Variants in PRR5L observed in about 807,000 individuals in gnomAD.
PRR5L encodes proline-rich protein 5-like.
Under a neutral mutation model 36.4 loss-of-function variants are expected in PRR5L, and 21 were observed. The ratio of observed to expected loss-of-function variants is 0.58; its 90% CI spans 0.41 to 0.83. The LOEUF (loss-of-function observed/expected upper bound fraction) is 0.83, where lower values mean the gene tolerates loss of function less well. Among genes scored for constraint, PRR5L ranks in the 40% least tolerant of loss-of-function variants. PRR5L has a pLI of 0.00. For synonymous variants in PRR5L, 188 were observed against 197.0 expected (o/e 0.95, Z 0.38); for missense variants, 381 against 473.3 (o/e 0.80, Z 1.81).
At chr11:36,352,581 C>T (rs1399066411) in intron 1 of PRR5L, among the ~76,000 whole-genome samples, 1 of 152,108 alleles carries the variant, frequency 6.6e-6, no homozygotes, top group East Asian at 1.9e-4. Flanking sequence ...ACAGGAGTAA[C>T]TCATGTCGGT....
chr11:36,426,768 AT>A (rs1258389201), intron 4 of PRR5L, among the ~76,000 whole-genome samples: 2 of 152,256 alleles, frequency 1.3e-5, no homozygotes, highest in Non-Finnish European at 2.9e-5. Context: ...CTCCACTGAC[AT>A]TCTTACTGCA....
intron 1 of PRR5L, among the ~76,000 whole-genome samples, chr11:36,378,491 T>C (rs1478867913): frequency 6.6e-6 from 1 of 152,198 alleles, no homozygotes; most frequent in Non-Finnish European, 1.5e-5. Flanking sequence ...TTCTAACAAC[T>C]GGAACCACTA....
chr11:36,461,264 G>T (rs543357766), intron 8 of PRR5L, among the ~76,000 whole-genome samples: 5 of 152,228 alleles, frequency 3.3e-5, no homozygotes, highest in African/African-American at 1.2e-4. Context: ...TTCAGTTTTG[G>T]GGGGGATTCA....
chr11:36,411,479 G>A (rs1387551499), intron 3 of PRR5L, among the ~76,000 whole-genome samples: 1 of 152,102 alleles, frequency 6.6e-6, no homozygotes, highest in African/African-American at 2.4e-5. Context: ...CCCTGTTATG[G>A]CTCCTTTTGG....
rs534264606 is a variant in PRR5L, at chr11:36,374,744, A to G, written c.-125-26253A>G. Among the ~76,000 whole-genome samples, 5 of 152,300 alleles carry G rather than the reference A, an allele frequency of 3.3e-5. No individual in the cohort carries two copies. In the East Asian group the frequency reaches 9.7e-4, roughly 29 times the overall value. ...ATGAATTCACTAAATCCTCATAGCCACCCTAAGACAGAGCTACTACTTTTA... is the reference window on the plus strand; with the variant it reads ...ATGAATTCACTAAATCCTCATAGCCGCCCTAAGACAGAGCTACTACTTTTA... On this transcript the variant is annotated intron_variant, in intron 1 of 8. Transcript: ENST00000530639.
chr11:36,396,292 A>T (rs1380968488), intron 1 of PRR5L: 1 of 152,226 alleles, frequency 6.6e-6, no homozygotes, highest in Non-Finnish European at 1.5e-5. Context: ...TCTGCCTTAC[A>T]GGACTGAGGT....
chr11:36,445,456 A>G lies in PRR5L; in HGVS notation c.445-844A>G, dbSNP rs1398617309. ...TCATCTGTGAAATGGGTTTGGCTCT[A>G]CCAAGAACAACTGATTTTTAGTGCA... On this transcript the variant is annotated intron_variant, in intron 6 of 8. Transcript: ENST00000530639. 2.0e-5 allele frequency among the ~76,000 whole-genome samples: 3 copies of G among 152,084 alleles called. No individual in the cohort carries two copies. In the East Asian group the frequency reaches 5.8e-4, roughly 29 times the overall value.
rs144404355 is a variant in PRR5L at position 36,361,334 on chromosome 11, A to G, written c.-125-39663A>G. On this transcript the variant is annotated intron_variant, in intron 1 of 8. Transcript: ENST00000530639. The stretch of plus-strand genomic sequence containing the variant: ...CAAAGCCACTTTTCTTGCTATATAT[A>G]CCTTTTGCTTTTGGAAAATATAGCT... 2.9e-4 allele frequency among the ~76,000 whole-genome samples: 44 copies of G among 152,252 alleles called. 2 individuals are homozygous for G. The East Asian group carries it at 7.5e-3, about 26-fold the overall frequency.
In PRR5L at chr11:36,363,011, C is replaced by T. The variant is rs80114687; in HGVS notation, c.-125-37986C>T. On this transcript the variant is annotated intron_variant, in intron 1 of 8. Transcript: ENST00000530639. Reference sequence around the variant, plus strand: ...TTCTCCAGGCCCAGAGACGTTAAGTCGTGCACCCAGGTTCACATGGCTATG... The same window carrying T: ...TTCTCCAGGCCCAGAGACGTTAAGTTGTGCACCCAGGTTCACATGGCTATG... 6.6e-5 allele frequency among the ~76,000 whole-genome samples: 10 copies of T among 152,300 alleles called. No individual in the cohort carries two copies. In the East Asian group the frequency reaches 9.7e-4, roughly 15 times the overall value.
rs1455206781 is a variant in PRR5L at position 36,344,274 on chromosome 11, AAT to A, written c.-126+47838_-126+47839del. On this transcript the variant is annotated intron_variant, in intron 1 of 8. Transcript: ENST00000530639. This position sits in a 1 kb window ranked among gnomAD's most constrained non-coding sequence, Gnocchi z 4.1. Reference sequence around the variant, plus strand: ...AATCAGAAAATATATAAATGTATGAAATAGTCTAATTCCACTACTCACAGAAA... The same window carrying A: ...AATCAGAAAATATATAAATGTATGAAAGTCTAATTCCACTACTCACAGAAA... 6.6e-6 allele frequency among the ~76,000 whole-genome samples: 1 copy of A among 152,228 alleles called. No individual in the cohort carries two copies. Among genetic ancestry groups the A allele is most frequent in the Admixed American group, 6.5e-5 (1 of 15,282 alleles).
rs1469497004 is a variant in PRR5L at position 36,350,922 on chromosome 11, A to T, written c.-125-50075A>T. Among the ~76,000 whole-genome samples, 106 of 41,998 alleles carry T rather than the reference A, an allele frequency of 2.5e-3. 1 individual carries two copies. The highest frequency in any genetic ancestry group is 9.6e-3 in the African/African-American group (99 of 10,316). The allele number at this position is 41,998 out of a possible 152,430, so 27.6% of individuals were successfully genotyped here. ...CCATGGTAAATATATATATATATTT[A>T]TATATATTTATATATTTATATATAT... On this transcript the variant is annotated intron_variant, in intron 1 of 8. Coordinates refer to ENST00000530639, the MANE Select transcript of PRR5L (RefSeq NM_001160167.2).
chr11:36,374,549 A>G (rs183915360), intron 1 of PRR5L, among the ~76,000 whole-genome samples: 2 of 152,222 alleles, frequency 1.3e-5, no homozygotes, highest in East Asian at 3.9e-4. Context: ...ATAAAACTTG[A>G]AGGAGATTGA....
Position 36,414,431 on chromosome 11 carries a change from C to T in PRR5L, c.246-4824C>T, listed in dbSNP as rs1288835265. Among the ~76,000 whole-genome samples the T allele has an allele frequency of 1.4e-3, 204 of 148,726 alleles. 1 individual carries two copies. Among genetic ancestry groups the T allele is most frequent in the African/African-American group, 4.7e-3 (188 of 39,668 alleles). On this transcript the variant is annotated intron_variant, in intron 3 of 8. Transcript: ENST00000530639. ...CTAACTGGTGTGAGATGGTATCTCA[C>T]TGTGGTTTTGATTTGCATTTCTCTG...
chr11:36,310,534 G>A (rs936794836), intron 1 of PRR5L, among the ~76,000 whole-genome samples: 23 of 152,214 alleles, frequency 1.5e-4, no homozygotes, highest in Non-Finnish European at 3.1e-4. Context: ...GCAAGGGAAA[G>A]TAGCCAATAA....
chr11:36,309,987 C>G (rs74829974), intron 1 of PRR5L, among the ~76,000 whole-genome samples: 2 of 248 alleles, frequency 8.1e-3, no homozygotes, highest in Non-Finnish European at 0.029. Flanking sequence ...ATCATCCCCA[C>G]TACGACCACC....
chr11:36,342,126 G>T (rs1184618263), intron 1 of PRR5L, among the ~76,000 whole-genome samples: 2 of 152,252 alleles, frequency 1.3e-5, no homozygotes, highest in Non-Finnish European at 2.9e-5. Flanking sequence ...TGGGTCGGCA[G>T]AGGGAGCTGA....
At chr11:36,451,428 A>G in intron 8 of PRR5L, 93 bp downstream of exon 8, 1 of 1,459,624 alleles carries the variant, frequency 6.9e-7, no homozygotes, top group Non-Finnish European at 9.4e-7. Context: ...CACTGATACC[A>G]GCACTGTTTA....
At chr11:36,408,358 C>T (rs1564939571) in intron 3 of PRR5L, among the ~76,000 whole-genome samples, 1 of 152,014 alleles carries the variant, frequency 6.6e-6, no homozygotes, top group African/African-American at 2.4e-5. Flanking sequence ...AGTCAGGGCA[C>T]ATGGTCTATT....
intron 1 of PRR5L, among the ~76,000 whole-genome samples, chr11:36,352,219 G>A (rs1029915028): frequency 3.9e-5 from 6 of 152,056 alleles, no homozygotes; most frequent in Non-Finnish European, 8.8e-5. Context: ...TTGGCCATTT[G>A]TATATCTTCT....
Sources: allele counts gnomAD v4.1 joint callset (sites outside exome capture counted in the v4.1 genomes callset), GRCh38; gene constraint gnomAD v4.1.1; non-coding constraint Gnocchi (gnomAD v3.1); transcripts MANE v1.5; gene names NCBI Gene and HGNC (gene_info 2026-07-23, HGNC 2026-07-21).